The following RBFOX1 variants were observed in gnomAD, a reference collection of about 807,000 sequenced individuals.
The protein encoded by RBFOX1 is RNA binding protein fox-1 homolog 1.
In RBFOX1, 8 loss-of-function variants were observed where a neutral mutation model predicts 57.7. The ratio of observed to expected loss-of-function variants is 0.14; its 90% CI spans 0.08 to 0.25. The LOEUF (loss-of-function observed/expected upper bound fraction) is 0.25, where lower values mean the gene tolerates loss of function less well. Ranked by LOEUF, RBFOX1 falls within the 10% of genes least tolerant of loss-of-function variation. The probability of loss-of-function intolerance (pLI) is 1.00; values close to 1 mark genes in which losing one functional copy is unlikely to be tolerated. For synonymous variants in RBFOX1, 326 were observed against 222.4 expected, an observed-to-expected ratio of 1.47 and a Z score of -4.15; for missense variants, 611 against 548.5, an observed-to-expected ratio of 1.11 and a Z score of -1.14.
At chr16:6,437,776 C>T (rs1045650895) in intron 2 of RBFOX1, among the ~76,000 whole-genome samples, 10 of 152,258 alleles carry the variant, frequency 6.6e-5, no homozygotes, top group African/African-American at 2.2e-4. Context: ...GGAAGTTTTA[C>T]AGACTTTTAA....
At chr16:5,452,330 A>T (rs2068452676) in intron 1 of RBFOX1, among the ~76,000 whole-genome samples, 2 of 150,988 alleles carry the variant, frequency 1.3e-5, no homozygotes, top group South Asian at 4.2e-4. Context: ...GCTGGTTTCA[A>T]ACTCCTGGCC....
intron 2 of RBFOX1, among the ~76,000 whole-genome samples, chr16:6,418,499 G>T (rs887784237): frequency 1.3e-5 from 2 of 149,042 alleles, no homozygotes; most frequent in Non-Finnish European, 3.0e-5. Flanking sequence ...ATTTTGGACA[G>T]ATGTCTTTCT....
intron 1 of RBFOX1, among the ~76,000 whole-genome samples, chr16:6,264,181 G>C (rs748457355): frequency 6.6e-6 from 1 of 152,108 alleles, no homozygotes; most frequent in Non-Finnish European, 1.5e-5. Context: ...TGGTTTTTCA[G>C]TGTTCTCTTG....
chr16:5,749,192 C>G (rs573508167), intron 3 of RBFOX1, among the ~76,000 whole-genome samples: 1 of 152,002 alleles, frequency 6.6e-6, no homozygotes, highest in Non-Finnish European at 1.5e-5. Context: ...TGAATATTGC[C>G]CCCACCCCCT....
intron 3 of RBFOX1, among the ~76,000 whole-genome samples, chr16:6,935,884 C>A (rs1206462356): frequency 6.6e-6 from 1 of 152,152 alleles, no homozygotes; most frequent in African/African-American, 2.4e-5. Context: ...TGCTAGCCTG[C>A]ACATCGGTTG....
intron 4 of RBFOX1, among the ~76,000 whole-genome samples, chr16:7,489,954 T>A (rs1410951791): frequency 6.6e-6 from 1 of 152,204 alleles, no homozygotes; most frequent in Non-Finnish European, 1.5e-5. Context: ...TTAAAGAATG[T>A]CATTCTAGGG....
At chr16:7,505,560 A>C (rs571579134) in intron 4 of RBFOX1, among the ~76,000 whole-genome samples, 1 of 152,320 alleles carries the variant, frequency 6.6e-6, no homozygotes, top group African/African-American at 2.4e-5. Flanking sequence ...TAAATATTTT[A>C]TTGTCAGTGA....
At chr16:6,027,809 G>A (rs1048906428) in intron 1 of RBFOX1, among the ~76,000 whole-genome samples, 2 of 152,184 alleles carry the variant, frequency 1.3e-5, no homozygotes, top group Admixed American at 6.5e-5. Flanking sequence ...CTGTAACTGA[G>A]GTGACAAATT....
intron 2 of RBFOX1, among the ~76,000 whole-genome samples, chr16:6,325,159 C>T (rs1274987497): frequency 1.3e-5 from 2 of 151,856 alleles, no homozygotes; most frequent in Non-Finnish European, 2.9e-5. Flanking sequence ...AGTTTAAGAC[C>T]AGCCTGGGCA....
chr16:7,265,458 T>C (rs148897348), intron 4 of RBFOX1, among the ~76,000 whole-genome samples: 10 of 152,250 alleles, frequency 6.6e-5, no homozygotes, highest in African/African-American at 2.2e-4. Context: ...TTTATTTATT[T>C]GTTTATTTTA....
intron 2 of RBFOX1, among the ~76,000 whole-genome samples, chr16:5,534,004 C>A (rs1050021618): frequency 6.6e-6 from 1 of 152,092 alleles, no homozygotes; most frequent in African/African-American, 2.4e-5. Context: ...GGGTCAGTGT[C>A]CCCAAATCAC....
intron 2 of RBFOX1, among the ~76,000 whole-genome samples, chr16:6,424,073 A>C (rs187715736): frequency 2.0e-5 from 3 of 152,104 alleles, no homozygotes; most frequent in African/African-American, 7.2e-5. Context: ...ACCCATCTCT[A>C]CTAAAAATAA....
rs372553524 is a variant in RBFOX1, at chr16:6,969,923, G to C, written c.-15-82134G>C. ...GAGACTCTTTCAGTAGTCTGTCATA[G>C]ATTTCCCACATACAGAAATGTCACA... On this transcript the variant is annotated intron_variant, in intron 3 of 15. Transcript: ENST00000550418. 6.6e-5 allele frequency among the ~76,000 whole-genome samples: 10 copies of C among 152,054 alleles called. No individual in the cohort carries two copies. In the East Asian group the frequency reaches 1.7e-3, roughly 26 times the overall value.
chr16:6,587,429 A>G (rs2097645327), intron 2 of RBFOX1, among the ~76,000 whole-genome samples: 1 of 152,052 alleles, frequency 6.6e-6, no homozygotes, highest in Non-Finnish European at 1.5e-5. Flanking sequence ...TTACAGGTGC[A>G]CACCACCATG....
intron 1 of RBFOX1, among the ~76,000 whole-genome samples, chr16:6,215,218 G>T (rs114198636): frequency 0.026 from 3,509 of 132,526 alleles, 138 homozygotes; most frequent in African/African-American, 0.094. Context: ...GGGAGAGGGG[G>T]AGAGACAAAG....
At chr16:5,901,597 C>T (rs2058306094) in intron 4 of RBFOX1, among the ~76,000 whole-genome samples, 1 of 152,142 alleles carries the variant, frequency 6.6e-6, no homozygotes, top group South Asian at 2.1e-4. Context: ...ATAACAGCCC[C>T]ATTTCAAGCA....
chr16:5,624,420 A>G (rs1362658617), intron 3 of RBFOX1, among the ~76,000 whole-genome samples: 2 of 152,168 alleles, frequency 1.3e-5, no homozygotes, highest in Non-Finnish European at 2.9e-5. Flanking sequence ...GATGGTCTGG[A>G]TCTCCTGACC....
chr16:7,176,397 C>A lies in RBFOX1; in HGVS notation c.27+124299C>A, dbSNP rs184199977. On this transcript the variant is annotated intron_variant, in intron 4 of 15. Transcript: ENST00000550418. ...GTGTACTTTGTGACTATAATTTGAC[C>A]ACACACAGTTAAGATATTCATTTAT... 3.8e-4 allele frequency among the ~76,000 whole-genome samples: 58 copies of A among 151,884 alleles called. 1 individual carries two copies. The highest frequency in any genetic ancestry group is 1.3e-3 in the African/African-American group (55 of 41,390).
At chr16:7,215,434 A>C (rs2091877483) in intron 4 of RBFOX1, among the ~76,000 whole-genome samples, 1 of 152,208 alleles carries the variant, frequency 6.6e-6, no homozygotes, top group Non-Finnish European at 1.5e-5. Flanking sequence ...TCCATCAATG[A>C]TAGACTGGAT....
Sources: allele counts gnomAD v4.1 joint callset (sites outside exome capture counted in the v4.1 genomes callset), GRCh38; gene constraint gnomAD v4.1.1; transcripts MANE v1.5; gene names NCBI Gene and HGNC (gene_info 2026-07-23, HGNC 2026-07-21).